The following PLEKHM2 variants were observed in gnomAD, a reference collection of about 807,000 sequenced individuals.
PLEKHM2 encodes pleckstrin homology domain-containing family M member 2.
PLEKHM2 carries 77 observed loss-of-function variants against 116.3 expected under a neutral mutation model. That is an observed-to-expected ratio of 0.66 (90% CI 0.55 to 0.80). PLEKHM2 has a LOEUF of 0.80. Ranked by LOEUF, PLEKHM2 falls within the 30% of genes least tolerant of loss-of-function variation. The pLI is 0.00. For synonymous variants in PLEKHM2, 562 were observed against 571.0 expected (o/e 0.98, Z 0.22); for missense variants, 1,183 against 1,354.9 (o/e 0.87, Z 1.99).
At position 15,721,692 on chromosome 1, in the gene PLEKHM2, C is replaced by T. The variant is rs529429914; in HGVS notation, c.712+304C>T. The stretch of plus-strand genomic sequence containing the variant: ...TGATTCCAGTGCCAGCTGATGCTCT[C>T]GGGGTGTGTAGGGCCTGACCCAGTG... On this transcript the variant is annotated intron_variant, in intron 7 of 19. Transcript: ENST00000375799. The surrounding 1 kb of genome is among the most constrained non-coding windows in gnomAD (Gnocchi z 5.1). 2.6e-5 allele frequency among the ~76,000 whole-genome samples: 4 copies of T among 152,272 alleles called. No individual in the cohort carries two copies. In the South Asian group the frequency reaches 6.2e-4, roughly 24 times the overall value.
At position 15,729,830 on chromosome 1, in the gene PLEKHM2, C is replaced by A; in HGVS notation, c.2109C>A (p.Ile703=). 6.2e-7 allele frequency: 1 copy of A among 1,613,226 alleles called. No homozygotes were observed. Among genetic ancestry groups the A allele is most frequent in the South Asian group, 1.1e-5 (1 of 91,040 alleles). The change falls in exon 14 of 20, where the codon ATC becomes ATA. Residue 703 remains isoleucine, a synonymous_variant. Transcript: ENST00000375799. The surrounding 1 kb of genome is among the most constrained non-coding windows in gnomAD (Gnocchi z 4.7). The part of the protein sequence containing the change: ...FFLASLKSAM[I]KGCREPPYPS... Reference sequence around the variant, plus strand: ...TGGCTTCTTTGAAGTCAGCCATGATCAAAGGCTGTCGAGAACCTCCCTACC... The same window carrying A: ...TGGCTTCTTTGAAGTCAGCCATGATAAAAGGCTGTCGAGAACCTCCCTACC...
At chr1:15,714,200 G>A (rs930450602) in intron 1 of PLEKHM2, among the ~76,000 whole-genome samples, 17 of 151,812 alleles carry the variant, frequency 1.1e-4, no homozygotes, top group African/African-American at 3.4e-4. Flanking sequence ...TTGGCTTCCC[G>A]AAGTGCTGGG....
In PLEKHM2 at chr1:15,719,937, C is replaced by T. The variant is rs1177892028; in HGVS notation, c.652+17C>T. ...CTAGTGAGGGTGAGTGGCCCCAGGG[C>T]AGAAAAGCTAAGCCCCTGTTGTGAA... On this transcript the variant is annotated intron_variant, in intron 6 of 19. Transcript: ENST00000375799. This position sits in a 1 kb window ranked among gnomAD's most constrained non-coding sequence, Gnocchi z 4.1. 2 of 1,600,576 alleles carry T rather than the reference C, an allele frequency of 1.2e-6. No individual in the cohort carries two copies. The highest frequency in any genetic ancestry group is 1.7e-6 in the Non-Finnish European group (2 of 1,170,960).
chr1:15,730,804 C>A, intron 15 of PLEKHM2, 82 bp downstream of exon 15: 2 of 1,153,312 alleles, frequency 1.7e-6, no homozygotes, highest in Non-Finnish European at 2.5e-6. Flanking sequence ...GATCTCTCCG[C>A]AGCAGGTCAC....
intron 1 of PLEKHM2, among the ~76,000 whole-genome samples, chr1:15,686,411 G>T (rs1640769171): frequency 6.6e-6 from 1 of 152,110 alleles, no homozygotes; most frequent in Non-Finnish European, 1.5e-5. Flanking sequence ...ACCTCTCCAT[G>T]CCCAGTTTCT....
At position 15,721,122 on chromosome 1, in the gene PLEKHM2, T is replaced by C. The variant is rs1422001071; in HGVS notation, c.653-207T>C. On this transcript the variant is annotated intron_variant, in intron 6 of 19. Transcript: ENST00000375799. The surrounding 1 kb of genome is among the most constrained non-coding windows in gnomAD (Gnocchi z 5.1). Reference sequence around the variant, plus strand: ...CACCCTGACAGGTCTTTCCAGCTGGTTGGAGGCTCCTGGGCCAGCGCCTGA... The same window carrying C: ...CACCCTGACAGGTCTTTCCAGCTGGCTGGAGGCTCCTGGGCCAGCGCCTGA... The C allele has an allele frequency of 1.9e-6, 1 of 533,134 alleles. No homozygotes were observed. The highest frequency in any genetic ancestry group is 3.3e-6 in the Non-Finnish European group (1 of 301,966). 33.0% of individuals were successfully genotyped at this position (533,134 alleles called of 1,614,324 possible).
chr1:15,704,360 C>G (rs1240662895), intron 1 of PLEKHM2, among the ~76,000 whole-genome samples: 1 of 151,582 alleles, frequency 6.6e-6, no homozygotes, highest in Non-Finnish European at 1.5e-5. Flanking sequence ...TTCCACTTCC[C>G]TCACCCCCTC....
intron 8 of PLEKHM2, chr1:15,725,975 C>T (rs867121580): frequency 3.8e-5 from 7 of 182,938 alleles, no homozygotes; most frequent in Admixed American, 5.6e-5. Flanking sequence ...CATCACCCCC[C>T]ACCCCCTGAT....
At chr1:15,713,674 T>C (rs567117595) in intron 1 of PLEKHM2, among the ~76,000 whole-genome samples, 41 of 152,204 alleles carry the variant, frequency 2.7e-4, no homozygotes, top group African/African-American at 9.9e-4. Flanking sequence ...CTTGCTCTGT[T>C]GCCCAGGCTG....
At chr1:15,688,263 C>T (rs115392052) in intron 1 of PLEKHM2, among the ~76,000 whole-genome samples, 1 of 152,202 alleles carries the variant, frequency 6.6e-6, no homozygotes, top group Non-Finnish European at 1.5e-5. Flanking sequence ...GTTAATCCAT[C>T]TGAATCCAAG....
chr1:15,721,428 C>T lies in PLEKHM2; in HGVS notation c.712+40C>T. 2 of 1,264,656 alleles carry T rather than the reference C, an allele frequency of 1.6e-6. No individual in the cohort carries two copies. The allele number at this position is 1,264,656 out of a possible 1,614,324, so 78.3% of individuals were successfully genotyped here. On this transcript the variant is annotated intron_variant, in intron 7 of 19. Coordinates refer to ENST00000375799, the MANE Select transcript of PLEKHM2 (RefSeq NM_015164.4). This position sits in a 1 kb window ranked among gnomAD's most constrained non-coding sequence, Gnocchi z 5.1. ...GCTGTTACCCTCTTTTCCTGTTTTG[C>T]AATGTTTCCATGCCAAGCTTGCTGC...
At chr1:15,724,497 GA>G (rs1360801342) in intron 7 of PLEKHM2, among the ~76,000 whole-genome samples, 2 of 150,242 alleles carry the variant, frequency 1.3e-5, no homozygotes, top group Non-Finnish European at 3.0e-5. Flanking sequence ...AAAAAAAAAA[GA>G]AAGAAATGGA....
upstream of PLEKHM2, among the ~76,000 whole-genome samples, chr1:15,681,942 T>A (rs1456944345): frequency 6.6e-6 from 1 of 152,210 alleles, no homozygotes; most frequent in Non-Finnish European, 1.5e-5. Flanking sequence ...TGATGGCTCA[T>A]GCCCGTAATC....
Position 15,720,014 on chromosome 1 carries a change from TTGGTC to T in PLEKHM2, c.652+99_652+103del, listed in dbSNP as rs1485605867. On this transcript the variant is annotated intron_variant, in intron 6 of 19. Transcript: ENST00000375799. ...TGGGTGATGTCTTCCTTGGCTAGTTTTGGTCTGGTGGCTGAAATTTGCAATTAAAC... is the reference window on the plus strand; with the variant it reads ...TGGGTGATGTCTTCCTTGGCTAGTTTTGGTGGCTGAAATTTGCAATTAAAC... The T allele has an allele frequency of 8.3e-6, 9 of 1,080,948 alleles. No homozygotes were observed. The East Asian group carries it at 1.9e-4, about 23-fold the overall frequency. The allele number at this position is 1,080,948 out of a possible 1,614,324, so 67.0% of individuals were successfully genotyped here. A position where few individuals can be genotyped will look rare whatever the true frequency, so the allele number is the denominator to read the frequency against.
intron 1 of PLEKHM2, among the ~76,000 whole-genome samples, chr1:15,697,018 C>T (rs769766731): frequency 6.6e-6 from 1 of 152,084 alleles, no homozygotes; most frequent in Non-Finnish European, 1.5e-5. Flanking sequence ...CTTGGCCATA[C>T]TTGGGTTGTC....
chr1:15,732,948 G>A (rs1226742016), intron 19 of PLEKHM2, among the ~76,000 whole-genome samples: 1 of 152,242 alleles, frequency 6.6e-6, no homozygotes, highest in Non-Finnish European at 1.5e-5. Context: ...GTCTCTTGCT[G>A]CGCACAAGCC....
In PLEKHM2 at chr1:15,731,965, C is replaced by T. The variant is rs748653513; in HGVS notation, c.2542C>T (p.Arg848Trp). The T allele has an allele frequency of 2.5e-5, 41 of 1,612,036 alleles. No individual in the cohort carries two copies. Among genetic ancestry groups the T allele is most frequent in the Middle Eastern group, 1.6e-4 (1 of 6,080 alleles). The change falls in exon 17 of 20, where the codon CGG (arginine) becomes TGG (tryptophan). Residue 848 changes from arginine (R) to tryptophan (W), a missense_variant. Around this residue, in one of 3 missense-constraint regions of PLEKHM2, gnomAD observed 594 missense variants for 720.1 expected, o/e 0.82. Coordinates refer to ENST00000375799, the MANE Select transcript of PLEKHM2 (RefSeq NM_015164.4). Reference protein sequence around the residue: ...PHAFQVILSDRPCLELSAESE... With the variant: ...PHAFQVILSDWPCLELSAESE... ...CGCCTTCCAGGTCATTCTCTCCGAC[C>T]GGCCCTGCCTGGAGCTAAGTGCCGA...
Position 15,731,946 on chromosome 1 carries a change from C to T in PLEKHM2, c.2523C>T (p.Phe841=). ...ACACCACGGATCGGCCCCACGCCTT[C>T]CAGGTCATTCTCTCCGACCGGCCCT... ...RANTTDRPHA[F]QVILSDRPCL... is the part of the protein sequence containing the mutation. The change falls in exon 17 of 20, where the codon TTC becomes TTT. Residue 841 remains phenylalanine (F), a synonymous_variant. Coordinates refer to ENST00000375799, the MANE Select transcript of PLEKHM2 (RefSeq NM_015164.4). 1 of 1,611,920 alleles carries T rather than the reference C, an allele frequency of 6.2e-7. No individual in the cohort carries two copies. The highest frequency in any genetic ancestry group is 2.2e-5 in the East Asian group (1 of 44,860).
At chr1:15,708,228 T>C (rs1641263493) in intron 1 of PLEKHM2, among the ~76,000 whole-genome samples, 1 of 149,574 alleles carries the variant, frequency 6.7e-6, no homozygotes. Context: ...TTTTCTTTTT[T>C]CTTTTTTTTT....
Sources: allele counts gnomAD v4.1 joint callset (sites outside exome capture counted in the v4.1 genomes callset), GRCh38; gene constraint gnomAD v4.1.1; regional missense constraint gnomAD v4.1.1; non-coding constraint Gnocchi (gnomAD v3.1); transcripts MANE v1.5; gene names NCBI Gene and HGNC (gene_info 2026-07-23, HGNC 2026-07-21).